NRDE2: variants seen among roughly 807,000 people sequenced by gnomAD.
NRDE2 encodes the protein NRDE-2, necessary for RNA interference, domain containing.
Under a neutral mutation model 124.2 loss-of-function variants are expected in NRDE2, and 76 were observed. The observed-to-expected ratio is 0.61, with a 90% CI of 0.51 to 0.74. The LOEUF (loss-of-function observed/expected upper bound fraction) is 0.74. Ranked by LOEUF, NRDE2 falls within the 30% of genes least tolerant of loss-of-function variation. The pLI is 0.00. For synonymous variants in NRDE2, 489 were observed against 528.1 expected (o/e 0.93, Z 1.01); for missense variants, 1,314 against 1,417.3 (o/e 0.93, Z 1.17).
intron 1 of NRDE2, among the ~76,000 whole-genome samples, chr14:90,327,914 C>T (rs909075093): frequency 1.2e-4 from 19 of 152,172 alleles, no homozygotes; most frequent in Non-Finnish European, 2.4e-4. Context: ...GAGGCAGAGG[C>T]GGGCGGATCA....
In NRDE2 at chr14:90,272,116, A is replaced by G; in HGVS notation, c.*6220T>C. The G allele has an allele frequency of 1.6e-6, 1 of 642,080 alleles. No individual in the cohort carries two copies. The highest frequency in any genetic ancestry group is 4.8e-4 in the Middle Eastern group (1 of 2,082). 39.8% of individuals were successfully genotyped at this position (642,080 alleles called of 1,614,324 possible). A position where few individuals can be genotyped will look rare whatever the true frequency, so the allele number is the denominator to read the frequency against. Reference sequence around the variant, plus strand: ...ACCGTGTTGGCCAGGCTGGTCTTGAACTCCTGACCTTAGGCGATCCACCTG... The same window carrying G: ...ACCGTGTTGGCCAGGCTGGTCTTGAGCTCCTGACCTTAGGCGATCCACCTG... On this transcript the variant is annotated 3_prime_UTR_variant, in exon 14 of 14. Transcript: ENST00000354366. The surrounding 1 kb of genome is among the most constrained non-coding windows in gnomAD (Gnocchi z 4.5).
At chr14:90,303,339 T>C (rs1884475082) in intron 5 of NRDE2, among the ~76,000 whole-genome samples, 1 of 152,236 alleles carries the variant, frequency 6.6e-6, no homozygotes, top group South Asian at 2.1e-4. Flanking sequence ...CTCTCTGCCA[T>C]TTTAAGCTTT....
intron 3 of NRDE2, among the ~76,000 whole-genome samples, chr14:90,315,376 A>T (rs989994590): frequency 5.3e-5 from 8 of 152,068 alleles, no homozygotes; most frequent in African/African-American, 1.9e-4. Flanking sequence ...GTCTAAAAAA[A>T]GGAAACAAAA....
In NRDE2 at chr14:90,278,382, C is replaced by T. The variant is rs201878322; in HGVS notation, c.3449G>A (p.Arg1150Gln). The T allele has an allele frequency of 3.7e-6, 6 of 1,614,118 alleles. No individual in the cohort carries two copies. Among genetic ancestry groups the T allele is most frequent in the East Asian group, 2.2e-5 (1 of 44,882 alleles). The change falls in exon 14 of 14, where the codon CGG (arginine) becomes CAG (glutamine). Residue 1150 changes from arginine (R) to glutamine (Q), a missense_variant. Coordinates refer to ENST00000354366, the MANE Select transcript of NRDE2 (RefSeq NM_017970.4). ...CAGCTCCTCCAGCGGCAGGCGCACC[C>T]GGAGCTCCTTCTCAGTCATCAGGTC... ...ILDLMTEKEL[R>Q]VRLPLEELEL...
chr14:90,283,117 C>T (rs1335538588), intron 12 of NRDE2, among the ~76,000 whole-genome samples: 1 of 152,168 alleles, frequency 6.6e-6, no homozygotes, highest in Non-Finnish European at 1.5e-5. Context: ...TTCAGGCACT[C>T]GCTACCTTCA....
chr14:90,324,129 G>A (rs2139715086), intron 1 of NRDE2, among the ~76,000 whole-genome samples: 1 of 151,730 alleles, frequency 6.6e-6, no homozygotes, highest in Non-Finnish European at 1.5e-5. Flanking sequence ...AAAGGAGGAG[G>A]AGTGAAGGAA....
At chr14:90,298,149 C>T in intron 8 of NRDE2, 111 bp downstream of exon 8, 2 of 1,164,930 alleles carry the variant, frequency 1.7e-6, no homozygotes, top group South Asian at 1.4e-5. Flanking sequence ...GATGTTTGTG[C>T]AATATTCTGA....
Position 90,269,312 on chromosome 14 carries a change from T to G in NRDE2, c.*9024A>C. On this transcript the variant is annotated 3_prime_UTR_variant, in exon 14 of 14. Transcript: ENST00000354366. ...AAACAGGAATGTTTGTTAAGGTGTT[T>G]TGTCACAATGAGGTCTTTGCTGTAA... 1.6e-6 allele frequency: 2 copies of G among 1,214,446 alleles called. No individual in the cohort carries two copies. The highest frequency in any genetic ancestry group is 1.5e-5 in the South Asian group (1 of 67,024). The allele number at this position is 1,214,446 out of a possible 1,614,324, so 75.2% of individuals were successfully genotyped here. A position where few individuals can be genotyped will look rare whatever the true frequency, so the allele number is the denominator to read the frequency against.
At position 90,275,279 on chromosome 14, in the gene NRDE2, C is replaced by T. The variant is rs1386558652; in HGVS notation, c.*3057G>A. On this transcript the variant is annotated 3_prime_UTR_variant, in exon 14 of 14. Transcript: ENST00000354366. ...TGGGCCTGAGGACCTGCTAGGAGTA[C>T]TGCGTCCATGCTGACTTCCTGTTCA... 3.3e-5 allele frequency: 5 copies of T among 152,316 alleles called. No homozygotes were observed. The East Asian group carries it at 9.6e-4, about 29-fold the overall frequency. The allele number at this position is 152,316 out of a possible 1,614,324, so 9.4% of individuals were successfully genotyped here.
intron 8 of NRDE2, among the ~76,000 whole-genome samples, chr14:90,296,638 G>T (rs1458196699): frequency 6.6e-6 from 1 of 152,156 alleles, no homozygotes; most frequent in African/African-American, 2.4e-5. Context: ...GTGAGAAGAG[G>T]CTCACTGAGC....
At chr14:90,306,815 A>AG in intron 4 of NRDE2, among the ~76,000 whole-genome samples, 1 of 152,164 alleles carries the variant, frequency 6.6e-6, no homozygotes, top group South Asian at 2.1e-4. Flanking sequence ...GTCTCAAAAA[A>AG]AAAAAAAATA....
At chr14:90,289,970 G>A (rs1015259683) in intron 10 of NRDE2, among the ~76,000 whole-genome samples, 1 of 152,194 alleles carries the variant, frequency 6.6e-6, no homozygotes, top group African/African-American at 2.4e-5. Context: ...TAAGGACGGG[G>A]ACCTGGTAGT....
At chr14:90,286,926 C>T (rs7143326) in intron 11 of NRDE2, among the ~76,000 whole-genome samples, 20,194 of 147,282 alleles carry the variant, frequency 0.14, 1,565 homozygotes, top group East Asian at 0.22. Flanking sequence ...CCCAGCTACT[C>T]GGGAGGCTGA....
rs1465003885 is a variant in NRDE2, at chr14:90,289,125, A to G, written c.2250T>C (p.Thr750=). 1 of 1,606,518 alleles carries G rather than the reference A, an allele frequency of 6.2e-7. No homozygotes were observed. The highest frequency in any genetic ancestry group is 1.7e-5 in the Admixed American group (1 of 59,638). The change falls in exon 11 of 14, where the codon ACT becomes ACC. Residue 750 remains threonine (T), a synonymous_variant. Transcript: ENST00000354366. ...EIAKVIWCLH[T]KNKKRLKSQG... ...GAGACTTTAATCTCTTCTTGTTTTT[A>G]GTGTGCAGGCACCAAATGACCTACA...
chr14:90,281,124 G>C (rs894111864), intron 12 of NRDE2: 3 of 152,442 alleles, frequency 2.0e-5, no homozygotes, highest in East Asian at 1.9e-4. Context: ...ACCATCTGAA[G>C]AACTCAGCCA....
intron 1 of NRDE2, 34 bp downstream of exon 1, chr14:90,331,807 C>G: frequency 6.2e-7 from 1 of 1,612,254 alleles, no homozygotes; most frequent in South Asian, 1.1e-5. Flanking sequence ...CTTAAGCCCC[C>G]CAGGTGCCTT....
intron 4 of NRDE2, among the ~76,000 whole-genome samples, chr14:90,310,183 A>G (rs887324442): frequency 6.6e-6 from 1 of 152,198 alleles, no homozygotes; most frequent in African/African-American, 2.4e-5. Context: ...AGTAAATGGC[A>G]AAGTCACAAA....
Position 90,302,711 on chromosome 14 carries a change from TCTC to T in NRDE2, c.1411+6_1411+8del, listed in dbSNP as rs767091710. 1.9e-6 allele frequency: 3 copies of T among 1,586,658 alleles called. No individual in the cohort carries two copies. The South Asian group carries it at 3.4e-5, about 18-fold the overall frequency. On this transcript the variant is annotated splice_donor_region_variant and intron_variant, in intron 6 of 13. Coordinates refer to ENST00000354366, the MANE Select transcript of NRDE2 (RefSeq NM_017970.4). ...CCTCCCACGTAACTGGATCTGGTTA[TCTC>T]CTTACCAAACATGGCCTCTTCCGTG...
rs372307052 is a variant in NRDE2, at chr14:90,303,006, C to T, written c.1125G>A (p.Glu375=). ...TCAGATCCACACTGCTCTGGTTGCT[C>T]TCAATGGCCCGCTCCAGAATGGCCA... ...KKLAILERAI[E]SNQSSVDLKL... is the part of the protein sequence containing the mutation. Residue 375 remains glutamate (E), a synonymous_variant, in exon 6 of 14, where the codon GAG becomes GAA. Transcript: ENST00000354366. The T allele has an allele frequency of 1.2e-6, 2 of 1,614,056 alleles. No individual in the cohort carries two copies. The highest frequency in any genetic ancestry group is 2.2e-5 in the South Asian group (2 of 91,082).
Sources: allele counts gnomAD v4.1 joint callset (sites outside exome capture counted in the v4.1 genomes callset), GRCh38; gene constraint gnomAD v4.1.1; non-coding constraint Gnocchi (gnomAD v3.1); transcripts MANE v1.5; gene names NCBI Gene and HGNC (gene_info 2026-07-23, HGNC 2026-07-21).